POLA1: variants seen among roughly 807,000 people sequenced by gnomAD.
The protein encoded by POLA1 is DNA polymerase alpha 1, catalytic subunit, also known as DNA polymerase alpha catalytic subunit.
POLA1 carries 15 observed loss-of-function variants against 124.0 expected under a neutral mutation model. The observed-to-expected ratio is 0.12, with a 90% CI of 0.08 to 0.19. The LOEUF is 0.19. Among genes scored for constraint, POLA1 ranks in the 10% least tolerant of loss-of-function variants. POLA1 has a pLI of 1.00. For missense variants in POLA1, 886 were observed against 1,103.4 expected, an observed-to-expected ratio of 0.80 and a Z score of 2.79; for synonymous variants, 408 against 389.4, an observed-to-expected ratio of 1.05 and a Z score of -0.56.
chrX:24,886,030 T>G (rs1021930003), intron 34 of POLA1, among the ~76,000 whole-genome samples: 4 of 112,332 alleles, frequency 3.6e-5, no homozygotes, highest in African/African-American at 1.3e-4. Flanking sequence ...AACAGCTGCC[T>G]GTGACTCCAA....
intron 32 of POLA1, among the ~76,000 whole-genome samples, chrX:24,840,456 T>A (rs1294259068): frequency 3.6e-5 from 4 of 111,963 alleles, no homozygotes; most frequent in African/African-American, 1.3e-4. Flanking sequence ...CTCAGTTGTC[T>A]TATTCTTTGT....
At chrX:24,943,842 T>G (rs1304400437) in intron 36 of POLA1, among the ~76,000 whole-genome samples, 1 of 112,259 alleles carries the variant, frequency 8.9e-6, no homozygotes, top group Non-Finnish European at 1.9e-5. Context: ...GTTCTGCTAT[T>G]CCTTGTTGTA....
At chrX:24,833,408 A>G (rs1266491841) in intron 32 of POLA1, among the ~76,000 whole-genome samples, 1 of 111,849 alleles carries the variant, frequency 8.9e-6, no homozygotes, top group Non-Finnish European at 1.9e-5. Context: ...TTCTCTGGGT[A>G]GATACCCACT....
In POLA1 at chrX:24,694,152, G is replaced by C. The variant is rs902802041; in HGVS notation, c.43+148G>C. ...GGGGGCCCTTCTGGCGTCGGACCGG[G>C]CTTCCTTTAGGCGCGGTTTGCTCTT... On this transcript the variant is annotated intron_variant, in intron 1 of 36. Transcript: ENST00000379068. 8.6e-6 allele frequency: 5 copies of C among 584,781 alleles called. No homozygotes were observed. In the African/African-American group the frequency reaches 1.2e-4, roughly 14 times the overall value. The allele number at this position is 584,781 out of a possible 1,213,427, so 48.2% of individuals were successfully genotyped here.
In POLA1 at chrX:24,749,173, G is replaced by A. The variant is rs55889483; in HGVS notation, c.2964+181G>A. On this transcript the variant is annotated intron_variant, in intron 26 of 36. Transcript: ENST00000379068. ...AATAAGGTTTCATTAATTCGTGTGT[G>A]TGTGTATTTATTATTGAACATCTAC... 2.3e-3 allele frequency among the ~76,000 whole-genome samples: 253 copies of A among 111,176 alleles called. 1 individual carries two copies. The highest frequency in any genetic ancestry group is 7.7e-3 in the African/African-American group (236 of 30,534).
intron 35 of POLA1, among the ~76,000 whole-genome samples, chrX:24,911,836 T>G (rs1171318635): frequency 8.9e-6 from 1 of 112,195 alleles, no homozygotes; most frequent in Non-Finnish European, 1.9e-5. Context: ...ATGGATCAAT[T>G]CCTTGAAAAC....
At chrX:24,799,947 TTTAA>T (rs2045677624) in intron 26 of POLA1, among the ~76,000 whole-genome samples, 1 of 111,845 alleles carries the variant, frequency 8.9e-6, no homozygotes, top group Non-Finnish European at 1.9e-5. Context: ...TTGAGTCAAT[TTTAA>T]TCAGGTTGTG....
intron 2 of POLA1, among the ~76,000 whole-genome samples, chrX:24,699,845 G>A (rs1184128277): frequency 9.3e-6 from 1 of 107,857 alleles, no homozygotes; most frequent in Non-Finnish European, 1.9e-5. Flanking sequence ...TCTATGGTAA[G>A]TCCCATGGGT....
At chrX:24,931,739 T>C (rs1027161180) in intron 36 of POLA1, among the ~76,000 whole-genome samples, 2 of 112,441 alleles carry the variant, frequency 1.8e-5, no homozygotes, top group African/African-American at 6.5e-5. Flanking sequence ...TATATACTTG[T>C]AATATCATTT....
intron 26 of POLA1, chrX:24,788,858 C>T (rs2045428518): frequency 8.4e-7 from 1 of 1,196,794 alleles, no homozygotes. Context: ...TTTCTTCACT[C>T]CTGGCAGGCT....
intron 36 of POLA1, among the ~76,000 whole-genome samples, chrX:24,942,919 A>G (rs1397392378): frequency 9.1e-6 from 1 of 110,455 alleles, no homozygotes; most frequent in Non-Finnish European, 1.9e-5. Context: ...CTGGCCTCAA[A>G]CTCCTGGACT....
At chrX:24,696,959 A>G (rs1928051776) in intron 1 of POLA1, among the ~76,000 whole-genome samples, 1 of 111,078 alleles carries the variant, frequency 9.0e-6, no homozygotes, top group Admixed American at 9.6e-5. Flanking sequence ...TCTCTGTGAA[A>G]TTTGACTCCT....
chrX:24,880,205 A>G (rs2046985015), intron 34 of POLA1, among the ~76,000 whole-genome samples: 1 of 112,167 alleles, frequency 8.9e-6, no homozygotes, highest in African/African-American at 3.2e-5. Flanking sequence ...TTATCCTTTC[A>G]GCAAACTGAT....
chrX:24,957,405 G>A (rs2048118424), intron 36 of POLA1, among the ~76,000 whole-genome samples: 1 of 111,046 alleles, frequency 9.0e-6, no homozygotes, highest in South Asian at 3.9e-4. Flanking sequence ...TAGAAGAAAT[G>A]TGGCAGTATC....
At chrX:24,767,067 G>A (rs1216117462) in intron 26 of POLA1, among the ~76,000 whole-genome samples, 2 of 111,565 alleles carry the variant, frequency 1.8e-5, no homozygotes, top group African/African-American at 6.5e-5. Flanking sequence ...CATGTAGAGA[G>A]GAAAGACGAA....
chrX:24,837,161 T>C (rs886539529), intron 32 of POLA1, among the ~76,000 whole-genome samples: 2 of 111,953 alleles, frequency 1.8e-5, no homozygotes, highest in African/African-American at 6.5e-5. Context: ...CATAAAATGC[T>C]AAAATCTTGA....
At chrX:24,704,581 ATT>A (rs958806480) in intron 4 of POLA1, 112 bp downstream of exon 4, 2 of 507,044 alleles carry the variant, frequency 3.9e-6, no homozygotes, top group Non-Finnish European at 7.0e-6. Flanking sequence ...CCTAACTACC[ATT>A]GTTTTTAGAT....
chrX:24,815,671 GT>G (rs2045979693), intron 30 of POLA1, among the ~76,000 whole-genome samples: 1 of 111,651 alleles, frequency 9.0e-6, no homozygotes, highest in South Asian at 3.7e-4. Context: ...AAAATGTTAG[GT>G]TACAAATTTA....
intron 34 of POLA1, among the ~76,000 whole-genome samples, chrX:24,882,053 C>T (rs569167488): frequency 1.2e-4 from 13 of 110,284 alleles, no homozygotes; most frequent in African/African-American, 3.6e-4. Flanking sequence ...TAAGAGAGAA[C>T]GGAGTCAGGG....
Sources: gnomAD v4.1 joint callset for allele counts (sites outside exome capture counted in the v4.1 genomes callset) on GRCh38, gnomAD v4.1.1 for gene constraint, MANE v1.5 for transcripts, NCBI Gene and HGNC (gene_info 2026-07-23, HGNC 2026-07-21) for gene names.